The following PLSCR2 variants were observed in gnomAD, a reference collection of about 807,000 sequenced individuals.
PLSCR2 encodes the protein phospholipid scramblase 2.
A neutral mutation model predicts 25.3 loss-of-function variants in PLSCR2; 18 were observed. The observed-to-expected ratio is 0.71, with a 90% CI of 0.49 to 1.06. The LOEUF (loss-of-function observed/expected upper bound fraction) is 1.06. PLSCR2 is among the 50% of genes least tolerant of loss of function. PLSCR2 has a pLI of 0.00. For synonymous variants in PLSCR2, 88 were observed against 87.3 expected (o/e 1.01, Z -0.04); for missense variants, 243 against 269.5 (o/e 0.90, Z 0.69).
At chr3:146,491,461 T>C (rs1223374582) in intron 1 of PLSCR2, among the ~76,000 whole-genome samples, 2 of 152,168 alleles carry the variant, frequency 1.3e-5, no homozygotes, top group Non-Finnish European at 2.9e-5. Context: ...TCCAAGTGCT[T>C]GCTCTTTCTC....
At chr3:146,455,698 T>C (rs2041178159) in intron 3 of PLSCR2, among the ~76,000 whole-genome samples, 1 of 152,204 alleles carries the variant, frequency 6.6e-6, no homozygotes, top group Non-Finnish European at 1.5e-5. Context: ...GGTCATATTT[T>C]CCTAATCCCA....
At chr3:146,431,702 G>T (rs1418301215), downstream of PLSCR2, among the ~76,000 whole-genome samples, 3 of 152,092 alleles carry the variant, frequency 2.0e-5, no homozygotes, top group Non-Finnish European at 4.4e-5. Flanking sequence ...TGGCAAAGTA[G>T]CCTACATCTT....
At chr3:146,487,071 A>G (rs6803521) in intron 1 of PLSCR2, among the ~76,000 whole-genome samples, 4,218 of 152,248 alleles carry the variant, frequency 0.028, 221 homozygotes, top group African/African-American at 0.096. Context: ...AACCTACATG[A>G]TTATTTCAAT....
At chr3:146,483,592 C>T (rs375669923) in intron 1 of PLSCR2, among the ~76,000 whole-genome samples, 27 of 148,778 alleles carry the variant, frequency 1.8e-4, no homozygotes, top group African/African-American at 6.7e-4. Context: ...TTGCTGTTTG[C>T]TGTTCTCCAG....
intron 2 of PLSCR2, among the ~76,000 whole-genome samples, chr3:146,404,646 A>G (rs2038589648): frequency 1.3e-5 from 2 of 152,316 alleles, no homozygotes; most frequent in African/African-American, 4.8e-5. Flanking sequence ...GTCAACATCT[A>G]GAGTCTCATC....
chr3:146,404,823 G>GGT (rs1553768582), intron 2 of PLSCR2, among the ~76,000 whole-genome samples: 2 of 134,910 alleles, frequency 1.5e-5, no homozygotes, highest in Non-Finnish European at 3.4e-5. Context: ...AAAAAAAAAG[G>GGT]GGGGGGGTGG....
downstream of PLSCR2, among the ~76,000 whole-genome samples, chr3:146,430,800 T>G (rs1407408463): frequency 7.0e-6 from 1 of 142,526 alleles, no homozygotes; most frequent in Admixed American, 7.4e-5. Flanking sequence ...GGCAGTCACA[T>G]CTCTTAGCCT....
At chr3:146,395,714 C>G (rs910306359) in intron 3 of PLSCR2, 1 of 160,722 alleles carries the variant, frequency 6.2e-6, no homozygotes, top group Non-Finnish European at 1.4e-5. Context: ...CAATGGTAAT[C>G]TCAGAAAATA....
intron 2 of PLSCR2, among the ~76,000 whole-genome samples, chr3:146,427,882 G>C (rs905282233): frequency 2.6e-5 from 4 of 152,142 alleles, no homozygotes; most frequent in Non-Finnish European, 5.9e-5. Flanking sequence ...ATCTTTGTAT[G>C]TATTTATTAA....
Position 146,495,887 on chromosome 3 carries a change from T to C in PLSCR2, c.-293+8A>G, listed in dbSNP as rs1159058339. The C allele has an allele frequency of 7.8e-6, 12 of 1,534,466 alleles. No individual in the cohort carries two copies. The East Asian group carries it at 9.8e-5, about 13-fold the overall frequency. On this transcript the variant is annotated splice_region_variant and intron_variant, in intron 1 of 8. Coordinates refer to the PLSCR2 transcript ENST00000336685. Reference sequence around the variant, plus strand: ...GTTAGTCTCTGGAAACTACATGTCATTGGCTACCTGGGAGGTGAATTTGAA... The same window carrying C: ...GTTAGTCTCTGGAAACTACATGTCACTGGCTACCTGGGAGGTGAATTTGAA...
At chr3:146,463,035 C>A (rs944007350), upstream of PLSCR2, among the ~76,000 whole-genome samples, 4 of 152,106 alleles carry the variant, frequency 2.6e-5, no homozygotes, top group African/African-American at 7.2e-5. Context: ...CCCTGTCATG[C>A]CAATCCTGAC....
chr3:146,426,615 G>C (rs1348551377), intron 2 of PLSCR2, among the ~76,000 whole-genome samples: 1 of 128,414 alleles, frequency 7.8e-6, no homozygotes, highest in Non-Finnish European at 1.6e-5. Flanking sequence ...CCTACAAAGA[G>C]TGATTTGTAT....
At chr3:146,481,099 A>G (rs1403521962) in intron 1 of PLSCR2, among the ~76,000 whole-genome samples, 1 of 152,194 alleles carries the variant, frequency 6.6e-6, no homozygotes, top group Non-Finnish European at 1.5e-5. Flanking sequence ...AATAAGAGCT[A>G]TTTTGGACAA....
At chr3:146,471,476 T>G (rs1177034408) in intron 1 of PLSCR2, among the ~76,000 whole-genome samples, 4 of 152,314 alleles carry the variant, frequency 2.6e-5, no homozygotes, top group African/African-American at 9.6e-5. Context: ...ATGCTCATTT[T>G]GTTATTGTTG....
chr3:146,434,622 T>A (rs1394341563), intron 8 of PLSCR2, among the ~76,000 whole-genome samples: 1 of 151,918 alleles, frequency 6.6e-6, no homozygotes, highest in African/African-American at 2.4e-5. Context: ...GAAGAGAAAA[T>A]TCAATCCCTA....
At chr3:146,407,516 T>G (rs574548006) in intron 2 of PLSCR2, among the ~76,000 whole-genome samples, 1 of 152,352 alleles carries the variant, frequency 6.6e-6, no homozygotes, top group Non-Finnish European at 1.5e-5. Flanking sequence ...AGGACCTTGC[T>G]TGGCATTCAC....
chr3:146,476,118 CAAG>C (rs1325378948), intron 1 of PLSCR2, among the ~76,000 whole-genome samples: 2 of 151,838 alleles, frequency 1.3e-5, no homozygotes, highest in Admixed American at 6.6e-5. Flanking sequence ...AGAAGGCTGA[CAAG>C]AAGCAGCTGC....
At chr3:146,469,520 G>A (rs1415247774) in intron 1 of PLSCR2, 1 of 985,364 alleles carries the variant, frequency 1.0e-6, no homozygotes, top group Non-Finnish European at 1.2e-6. Flanking sequence ...CTCCCGCACA[G>A]CCCTGAGCGA....
chr3:146,476,583 A>G (rs2042292386), intron 1 of PLSCR2, among the ~76,000 whole-genome samples: 1 of 152,242 alleles, frequency 6.6e-6, no homozygotes, highest in Non-Finnish European at 1.5e-5. Context: ...AAAGGACAGC[A>G]GCCCTCACTG....
Sources: gnomAD v4.1 joint callset for allele counts (sites outside exome capture counted in the v4.1 genomes callset) on GRCh38, gnomAD v4.1.1 for gene constraint, MANE v1.5 for transcripts, NCBI Gene and HGNC (gene_info 2026-07-23, HGNC 2026-07-21) for gene names.